The following DAB1 variants were observed in gnomAD, a reference collection of about 807,000 sequenced individuals.
DAB1 encodes the protein DAB adaptor protein 1, also known as disabled homolog 1.
DAB1 carries 15 observed loss-of-function variants against 64.6 expected under a neutral mutation model. That is an observed-to-expected ratio of 0.23 (90% CI 0.16 to 0.36). DAB1 has a LOEUF of 0.36. Ranked by LOEUF, DAB1 falls within the 10% of genes least tolerant of loss-of-function variation. The pLI is 1.00. For missense variants in DAB1, 596 were observed against 706.7 expected, an observed-to-expected ratio of 0.84 and a Z score of 1.78; for synonymous variants, 235 against 251.9, an observed-to-expected ratio of 0.93 and a Z score of 0.64.
At chr1:57,340,171 G>A (rs1203681583) in intron 1 of DAB1, among the ~76,000 whole-genome samples, 1 of 152,134 alleles carries the variant, frequency 6.6e-6, no homozygotes, top group Non-Finnish European at 1.5e-5. Context: ...CAAGTGGGAA[G>A]GAGAGGTAAC....
At chr1:57,892,302 G>C (rs1644327180) in intron 5 of DAB1, among the ~76,000 whole-genome samples, 1 of 152,100 alleles carries the variant, frequency 6.6e-6, no homozygotes, top group Admixed American at 6.5e-5. Context: ...TTCCCAGAAG[G>C]ACCTCTTCAT....
At chr1:57,434,588 A>G (rs1685622348) in intron 7 of DAB1, among the ~76,000 whole-genome samples, 1 of 152,220 alleles carries the variant, frequency 6.6e-6, no homozygotes, top group African/African-American at 2.4e-5. Context: ...GTACCGTTTA[A>G]CGACAGGGAT....
intron 1 of DAB1, among the ~76,000 whole-genome samples, chr1:57,292,979 C>A (rs1672900757): frequency 6.6e-6 from 1 of 151,982 alleles, no homozygotes; most frequent in South Asian, 2.1e-4. Context: ...ATGTTTCTGT[C>A]AAAAGGACGA....
rs922037948 is a variant in DAB1 at position 57,202,476 on chromosome 1, C to T, written c.68-57047G>A. ...AGAGGCCAGGTCTGTAACTAAGATC[C>T]GTTTACCTGCATTCACTCTGTAATA... On this transcript the variant is annotated intron_variant, in intron 2 of 14. Coordinates refer to ENST00000371236, the MANE Select transcript of DAB1 (RefSeq NM_001365792.1). 2.6e-5 allele frequency among the ~76,000 whole-genome samples: 4 copies of T among 152,084 alleles called. No homozygotes were observed. The East Asian group carries it at 5.8e-4, about 22-fold the overall frequency.
intron 6 of DAB1, among the ~76,000 whole-genome samples, chr1:57,682,391 G>T (rs908927025): frequency 6.7e-6 from 1 of 149,016 alleles, no homozygotes; most frequent in Admixed American, 6.7e-5. Context: ...TGGCCTACTA[G>T]ATGCAGCCAG....
intron 2 of DAB1, among the ~76,000 whole-genome samples, chr1:57,169,613 A>G (rs1483624564): frequency 6.6e-6 from 1 of 152,168 alleles, no homozygotes; most frequent in Non-Finnish European, 1.5e-5. Context: ...ATCCAATTGT[A>G]GCAAAAGAAC....
chr1:58,455,248 A>G (rs706457), intron 3 of DAB1, among the ~76,000 whole-genome samples: 48,152 of 152,210 alleles, frequency 0.32, 8,007 homozygotes, highest in Middle Eastern at 0.41. Context: ...GCTTATGCCC[A>G]CTGGGAAAGC....
intron 11 of DAB1, among the ~76,000 whole-genome samples, chr1:57,017,979 T>C (rs1035332219): frequency 2.0e-5 from 3 of 152,188 alleles, no homozygotes; most frequent in African/African-American, 7.2e-5. Context: ...GGGGTGGCAC[T>C]ACTGGCATTT....
At chr1:57,809,839 C>T (rs979361222) in intron 6 of DAB1, among the ~76,000 whole-genome samples, 1 of 152,210 alleles carries the variant, frequency 6.6e-6, no homozygotes, top group Non-Finnish European at 1.5e-5. Flanking sequence ...TCAAATATGA[C>T]TAGAACATCC....
intron 5 of DAB1, chr1:58,048,767 C>A: frequency 8.1e-7 from 1 of 1,231,822 alleles, no homozygotes; most frequent in Non-Finnish European, 1.2e-6. Flanking sequence ...TTCCTAACTT[C>A]ACAGTTGTGG....
At chr1:58,022,302 G>A (rs1407294309) in intron 5 of DAB1, among the ~76,000 whole-genome samples, 1 of 152,208 alleles carries the variant, frequency 6.6e-6, no homozygotes, top group Non-Finnish European at 1.5e-5. Flanking sequence ...TTAACTCTCA[G>A]TATGCAAGAC....
chr1:58,280,090 A>T (rs1557721290), intron 4 of DAB1, among the ~76,000 whole-genome samples: 1 of 152,092 alleles, frequency 6.6e-6, no homozygotes, highest in Non-Finnish European at 1.5e-5. Flanking sequence ...ATGGAGTGGG[A>T]AGAGAGAGGA....
intron 5 of DAB1, among the ~76,000 whole-genome samples, chr1:58,059,942 C>T (rs989195316): frequency 2.0e-5 from 3 of 152,198 alleles, no homozygotes; most frequent in African/African-American, 7.2e-5. Context: ...GACAACTGTG[C>T]TGGAACTTCC....
Position 58,294,865 on chromosome 1 carries a change from C to CGTGTGTGTGTGTGTGT in DAB1, n.309+48471_309+48486dup, listed in dbSNP as rs55922554. Among the ~76,000 whole-genome samples the CGTGTGTGTGTGTGTGT allele has an allele frequency of 2.9e-3, 404 of 137,712 alleles. 3 individuals are homozygous for CGTGTGTGTGTGTGTGT. Among genetic ancestry groups the CGTGTGTGTGTGTGTGT allele is most frequent in the Middle Eastern group, 7.5e-3 (2 of 268 alleles). The allele number at this position is 137,712 out of a possible 152,430, so 90.3% of individuals were successfully genotyped here. On this transcript the variant is annotated intron_variant and non_coding_transcript_variant, in intron 4 of 20. Transcript: ENST00000485760. Reference sequence around the variant, plus strand: ...GCAAAATGGCATGCTTGGTCCAGAACGTGTGTGTGTGTGTGTGTGTGTGTG... The same window carrying CGTGTGTGTGTGTGTGT: ...GCAAAATGGCATGCTTGGTCCAGAACGTGTGTGTGTGTGTGTGTGTGTGTGTGTGTGTGTGTGTGTG...
At chr1:57,462,962 G>A (rs1468174466) in intron 7 of DAB1, among the ~76,000 whole-genome samples, 1 of 152,010 alleles carries the variant, frequency 6.6e-6, no homozygotes, top group African/African-American at 2.4e-5. Flanking sequence ...CCCCAAACAA[G>A]AATGAGATCA....
At chr1:57,670,418 T>C (rs908639876) in intron 6 of DAB1, among the ~76,000 whole-genome samples, 1 of 152,128 alleles carries the variant, frequency 6.6e-6, no homozygotes, top group Non-Finnish European at 1.5e-5. Context: ...GACGATTGTG[T>C]GAGGTAGAGA....
chr1:58,373,080 G>T (rs6694266), intron 3 of DAB1, among the ~76,000 whole-genome samples: 1 of 151,402 alleles, frequency 6.6e-6, no homozygotes, highest in Non-Finnish European at 1.5e-5. Context: ...ACTTTTTGTA[G>T]TTCTCCGTAT....
intron 7 of DAB1, among the ~76,000 whole-genome samples, chr1:57,601,400 C>T (rs989634486): frequency 3.9e-5 from 6 of 152,104 alleles, no homozygotes; most frequent in Non-Finnish European, 5.9e-5. Flanking sequence ...ATGTCGAAAC[C>T]CCTTTCTACT....
chr1:57,370,587 T>C (rs1282658869), intron 1 of DAB1, among the ~76,000 whole-genome samples: 1 of 147,000 alleles, frequency 6.8e-6, no homozygotes, highest in Admixed American at 6.9e-5. Flanking sequence ...AAAGGGAAAA[T>C]GAGAAACAGA....
Sources: gnomAD v4.1 joint callset for allele counts (sites outside exome capture counted in the v4.1 genomes callset) on GRCh38, gnomAD v4.1.1 for gene constraint, MANE v1.5 for transcripts, NCBI Gene and HGNC (gene_info 2026-07-23, HGNC 2026-07-21) for gene names.